Variants in EYA4 observed in about 807,000 individuals in gnomAD.
The protein encoded by EYA4 is EYA transcriptional coactivator and phosphatase 4.
Under a neutral mutation model 87.9 loss-of-function variants are expected in EYA4, and 31 were observed. That is an observed-to-expected ratio of 0.35 (90% CI 0.27 to 0.48). The LOEUF (loss-of-function observed/expected upper bound fraction) is 0.48. EYA4 is among the 20% of genes least tolerant of loss of function. The pLI is 0.99. For synonymous variants in EYA4, 263 were observed against 270.6 expected, an observed-to-expected ratio of 0.97 and a Z score of 0.28; for missense variants, 678 against 761.4, an observed-to-expected ratio of 0.89 and a Z score of 1.29.
intron 2 of EYA4, among the ~76,000 whole-genome samples, chr6:133,361,592 G>A (rs543748887): frequency 1.3e-5 from 2 of 152,162 alleles, no homozygotes; most frequent in South Asian, 2.1e-4. Context: ...CAAACCGTTC[G>A]TAGTTGTTGG....
At chr6:133,256,794 T>C (rs1470122837) in intron 1 of EYA4, among the ~76,000 whole-genome samples, 2 of 152,290 alleles carry the variant, frequency 1.3e-5, no homozygotes, top group East Asian at 1.9e-4. Context: ...GATTTTTATA[T>C]GTAGAAAATT....
intron 2 of EYA4, among the ~76,000 whole-genome samples, chr6:133,286,665 C>T (rs1778085669): frequency 2.0e-5 from 3 of 152,152 alleles, no homozygotes; most frequent in African/African-American, 4.8e-5. Context: ...AGAAAGAGCA[C>T]CATACAGCTA....
chr6:133,379,528 A>G (rs1033778488), intron 2 of EYA4, among the ~76,000 whole-genome samples: 17 of 152,132 alleles, frequency 1.1e-4, no homozygotes, highest in Middle Eastern at 3.2e-3. Context: ...TGTCTTCGGT[A>G]TATCTAATCT....
At chr6:133,489,742 T>C (rs1796981782) in intron 13 of EYA4, among the ~76,000 whole-genome samples, 1 of 152,186 alleles carries the variant, frequency 6.6e-6, no homozygotes, top group Admixed American at 6.5e-5. Flanking sequence ...ACTGGATTTA[T>C]CCTACCAGAA....
At chr6:133,408,492 A>G (rs1788928473) in intron 3 of EYA4, among the ~76,000 whole-genome samples, 1 of 152,326 alleles carries the variant, frequency 6.6e-6, no homozygotes, top group South Asian at 2.1e-4. Flanking sequence ...GTTTTGGAAA[A>G]AAAAATTAAA....
At chr6:133,421,639 T>C (rs1293776284) in intron 3 of EYA4, among the ~76,000 whole-genome samples, 5 of 152,202 alleles carry the variant, frequency 3.3e-5, no homozygotes, top group African/African-American at 1.2e-4. Context: ...AAATTGAGAA[T>C]TATATTATGG....
At chr6:133,366,125 A>G (rs1228190943) in intron 2 of EYA4, among the ~76,000 whole-genome samples, 1 of 152,162 alleles carries the variant, frequency 6.6e-6, no homozygotes, top group Non-Finnish European at 1.5e-5. Context: ...AGATGAAGAG[A>G]AGTGAACAGA....
chr6:133,468,291 A>G (rs1460254955), intron 10 of EYA4, among the ~76,000 whole-genome samples: 1 of 152,080 alleles, frequency 6.6e-6, no homozygotes, highest in Non-Finnish European at 1.5e-5. Flanking sequence ...ATAAGTAACT[A>G]TCAGGAGCAA....
At chr6:133,331,821 G>T (rs982352679) in intron 2 of EYA4, among the ~76,000 whole-genome samples, 1 of 152,212 alleles carries the variant, frequency 6.6e-6, no homozygotes, top group Non-Finnish European at 1.5e-5. Context: ...AGAGTAATTT[G>T]GGGGTAAATT....
Position 133,391,350 on chromosome 6 carries a change from C to T in EYA4, c.83+8909C>T, listed in dbSNP as rs973290235. Among the ~76,000 whole-genome samples, 12 of 151,976 alleles carry T rather than the reference C, an allele frequency of 7.9e-5. 1 individual carries two copies. Among genetic ancestry groups the T allele is most frequent in the Admixed American group, 5.9e-4 (9 of 15,262 alleles). On this transcript the variant is annotated intron_variant, in intron 3 of 19. Coordinates refer to ENST00000355286, the MANE Select transcript of EYA4 (RefSeq NM_004100.5). Reference sequence around the variant, plus strand: ...GTTCAAGCGATTCTCCTGCTTCAGCCTCCTGAGTAGCTGGGATTACAGGCA... The same window carrying T: ...GTTCAAGCGATTCTCCTGCTTCAGCTTCCTGAGTAGCTGGGATTACAGGCA...
chr6:133,396,287 T>C (rs1254911807), intron 3 of EYA4, among the ~76,000 whole-genome samples: 1 of 152,238 alleles, frequency 6.6e-6, no homozygotes, highest in Admixed American at 6.5e-5. Context: ...TGAAGTGATG[T>C]AATCCTATAC....
rs66881281 is a variant in EYA4 at position 133,385,391 on chromosome 6, CTGTGTGTGTGTGTGTGTGTGTGTG to C, written c.83+2977_83+3000del. Among the ~76,000 whole-genome samples, 761 of 115,342 alleles carry C rather than the reference CTGTGTGTGTGTGTGTGTGTGTGTG, an allele frequency of 6.6e-3. 10 individuals carry two copies. The highest frequency in any genetic ancestry group is 0.024 in the African/African-American group (698 of 28,944). The allele number at this position is 115,342 out of a possible 152,430, so 75.7% of individuals were successfully genotyped here. Reference sequence around the variant, plus strand: ...CTCTGTGTGTGTATGTATGCTCTCTCTGTGTGTGTGTGTGTGTGTGTGTGTGTGTGTGTGTGTGTGTGTGTGTGT... The same window carrying C: ...CTCTGTGTGTGTATGTATGCTCTCTCTGTGTGTGTGTGTGTGTGTGTGTGT... On this transcript the variant is annotated intron_variant, in intron 3 of 19. Coordinates refer to ENST00000355286, the MANE Select transcript of EYA4 (RefSeq NM_004100.5).
rs973464809 is a variant in EYA4, at chr6:133,525,846, C to T, written c.1839+592C>T. The T allele has an allele frequency of 1.7e-5, 16 of 934,834 alleles. No homozygotes were observed. The African/African-American group carries it at 2.7e-4, about 16-fold the overall frequency. The allele number at this position is 934,834 out of a possible 1,614,324, so 57.9% of individuals were successfully genotyped here. ...CTGCTACAAGAGATTTTAATAAGTG[C>T]TACTGAAATGGGATGTATTGCTCAG... On this transcript the variant is annotated intron_variant, in intron 19 of 19. Coordinates refer to ENST00000355286, the MANE Select transcript of EYA4 (RefSeq NM_004100.5).
At chr6:133,320,948 G>T (rs746776106) in intron 2 of EYA4, among the ~76,000 whole-genome samples, 4 of 152,020 alleles carry the variant, frequency 2.6e-5, no homozygotes, top group African/African-American at 4.8e-5. Flanking sequence ...TCTAAGGGTG[G>T]GTGGCTTTCT....
intron 1 of EYA4, among the ~76,000 whole-genome samples, chr6:133,257,134 T>C (rs1775402697): frequency 2.6e-5 from 4 of 152,210 alleles, no homozygotes; most frequent in Non-Finnish European, 5.9e-5. Context: ...AGAAATTTCA[T>C]GTATGCAGTT....
At chr6:133,286,566 T>G (rs1778076457) in intron 2 of EYA4, among the ~76,000 whole-genome samples, 1 of 151,330 alleles carries the variant, frequency 6.6e-6, no homozygotes, top group Admixed American at 6.6e-5. Flanking sequence ...GTGGCCACAT[T>G]CAGTGAATTT....
chr6:133,478,080 A>G (rs1442168304), intron 11 of EYA4, among the ~76,000 whole-genome samples: 1 of 152,140 alleles, frequency 6.6e-6, no homozygotes, highest in Non-Finnish European at 1.5e-5. Flanking sequence ...AATGGTGAAA[A>G]TAAAAAAACG....
At chr6:133,355,856 G>T (rs948869884) in intron 2 of EYA4, among the ~76,000 whole-genome samples, 3 of 152,080 alleles carry the variant, frequency 2.0e-5, no homozygotes, top group African/African-American at 7.2e-5. Flanking sequence ...TTACATAGTT[G>T]CATATTGTTG....
rs556538827 is a variant in EYA4, at chr6:133,466,228, C to T, written c.804+1370C>T. On this transcript the variant is annotated intron_variant, in intron 10 of 19. Transcript: ENST00000355286. The stretch of plus-strand genomic sequence containing the variant: ...GAGTTGTACTATAAAGGAAAAACTG[C>T]TCTGCCTCTATTTGGGAGGATTAAG... Among the ~76,000 whole-genome samples, 406 of 152,224 alleles carry T rather than the reference C, an allele frequency of 2.7e-3. 1 individual carries two copies. Among genetic ancestry groups the T allele is most frequent in the Non-Finnish European group, 4.6e-3 (310 of 68,006 alleles).
Sources: allele counts gnomAD v4.1 joint callset (sites outside exome capture counted in the v4.1 genomes callset), GRCh38; gene constraint gnomAD v4.1.1; transcripts MANE v1.5; gene names NCBI Gene and HGNC (gene_info 2026-07-23, HGNC 2026-07-21).